Variants in LRCH2 observed in about 807,000 individuals in gnomAD.
The protein encoded by LRCH2 is leucine rich repeats and calponin homology domain containing 2.
A neutral mutation model predicts 68.9 loss-of-function variants in LRCH2; 38 were observed. That is an observed-to-expected ratio of 0.55 (90% confidence interval 0.43 to 0.72). The LOEUF (loss-of-function observed/expected upper bound fraction) is 0.72. Among genes scored for constraint, LRCH2 ranks in the 30% least tolerant of loss-of-function variants. The probability of loss-of-function intolerance (pLI) is 0.00; values close to 1 mark genes in which losing one functional copy is unlikely to be tolerated. For synonymous variants in LRCH2, 191 were observed against 208.1 expected, an observed-to-expected ratio of 0.92 and a Z score of 0.71; for missense variants, 528 against 572.9, an observed-to-expected ratio of 0.92 and a Z score of 0.80.
At chrX:115,139,935 T>C (rs73222999) in intron 14 of LRCH2, among the ~76,000 whole-genome samples, 1,781 of 110,989 alleles carry the variant, frequency 0.016, 13 homozygotes, top group Non-Finnish European at 0.026. Flanking sequence ...GGCACAAGGA[T>C]TGCAATTTCT....
Position 115,126,877 on chromosome X carries a change from G to T in LRCH2, c.1757C>A (p.Ala586Asp), listed in dbSNP as rs369287642. The part of the protein sequence containing the change: ...NENDEQDSDN[A>D]NMSTQSPVSS... ...TACTGGAGATTGTGTTGACATATTAGCATTATCACTGTCTTGCTAAAACAT... is the reference window on the plus strand; with the variant it reads ...TACTGGAGATTGTGTTGACATATTATCATTATCACTGTCTTGCTAAAACAT... Residue 586 changes from alanine to aspartate, a missense_variant, in exon 16 of 21, where the codon GCT (alanine) becomes GAT (aspartate). Physicochemically the swap from Ala to Asp is moderately radical, Grantham distance 126. Coordinates refer to ENST00000317135, the MANE Select transcript of LRCH2 (RefSeq NM_020871.4). 5.8e-5 allele frequency: 62 copies of T among 1,063,757 alleles called. No individual in the cohort carries two copies. Among genetic ancestry groups the T allele is most frequent in the Non-Finnish European group, 7.4e-5 (60 of 810,813 alleles). The allele number at this position is 1,063,757 out of a possible 1,213,427, so 87.7% of individuals were successfully genotyped here.
intron 1 of LRCH2, among the ~76,000 whole-genome samples, chrX:115,206,386 T>C (rs782659365): frequency 2.7e-5 from 3 of 112,267 alleles, no homozygotes; most frequent in South Asian, 3.7e-4. Context: ...TGTGATGGCA[T>C]TGACGCCCAC....
intron 15 of LRCH2, among the ~76,000 whole-genome samples, chrX:115,127,320 GAATTT>G (rs1181422209): frequency 4.5e-5 from 5 of 111,619 alleles, no homozygotes; most frequent in Admixed American, 1.9e-4. Flanking sequence ...TAATTACAAA[GAATTT>G]AATTTAATAA....
chrX:115,211,987 TA>T (rs1253009838), intron 1 of LRCH2, among the ~76,000 whole-genome samples: 3 of 112,222 alleles, frequency 2.7e-5, no homozygotes, highest in African/African-American at 9.7e-5. Context: ...AAACAAGGAT[TA>T]AAGAAAATTA....
At chrX:115,146,437 AAC>A (rs2072383165) in intron 14 of LRCH2, among the ~76,000 whole-genome samples, 1 of 111,086 alleles carries the variant, frequency 9.0e-6, no homozygotes, top group South Asian at 3.8e-4. Flanking sequence ...ATTTGATCAT[AAC>A]ACAAATGATA....
intron 1 of LRCH2, among the ~76,000 whole-genome samples, chrX:115,233,308 G>A (rs1685059597): frequency 8.9e-6 from 1 of 112,081 alleles, no homozygotes; most frequent in African/African-American, 3.2e-5. Flanking sequence ...AATATGTAGA[G>A]ATTATGATTT....
intron 1 of LRCH2, among the ~76,000 whole-genome samples, chrX:115,222,370 C>T (rs1230842800): frequency 3.6e-5 from 4 of 112,100 alleles, no homozygotes; most frequent in African/African-American, 1.3e-4. Context: ...ACTTTCACAG[C>T]ATCTGCTTAA....
Position 115,165,405 on chromosome X carries a change from CT to C in LRCH2, c.1354del (p.Arg452AspfsTer16). ...ACATTTCATTTTCATATGTGCTTAC[CT>C]TTTTTCATCTCCTAATTCTTCATTT... is the stretch of plus-strand genomic sequence containing the variant. ...RKNEELGDEKRLEKEQLLAEE... is the reference protein window; with the variant it reads ...RKNEELGDEKXLEKEQLLAEE... On this transcript the variant is annotated frameshift_variant and splice_region_variant, in exon 10 of 21. Transcript: ENST00000317135. LOFTEE classifies it high-confidence loss of function. 1.8e-6 allele frequency: 2 copies of C among 1,115,213 alleles called. No individual in the cohort carries two copies. Among genetic ancestry groups the C allele is most frequent in the Admixed American group, 2.7e-5 (1 of 36,697 alleles). The allele number at this position is 1,115,213 out of a possible 1,213,427, so 91.9% of individuals were successfully genotyped here.
intron 1 of LRCH2, among the ~76,000 whole-genome samples, chrX:115,211,906 G>A (rs910748092): frequency 8.9e-6 from 1 of 112,157 alleles, no homozygotes; most frequent in East Asian, 2.8e-4. Context: ...CATCTGAGAT[G>A]ACACACAGCT....
rs782275485 is a variant in LRCH2, at chrX:115,180,294, T to A, written c.622-543A>T. Among the ~76,000 whole-genome samples, 5 of 111,195 alleles carry A rather than the reference T, an allele frequency of 4.5e-5. No homozygotes were observed. In the South Asian group the frequency reaches 1.9e-3, roughly 42 times the overall value. ...GCCCCAACACTTGTGACTCATCTCA[T>A]AGCTCAAAGACATTCTAAGAGATCT... is the stretch of plus-strand genomic sequence containing the variant. On this transcript the variant is annotated intron_variant, in intron 3 of 20. Coordinates refer to ENST00000317135, the MANE Select transcript of LRCH2 (RefSeq NM_020871.4).
At chrX:115,147,482 T>G (rs1459885398) in intron 14 of LRCH2, among the ~76,000 whole-genome samples, 1 of 111,528 alleles carries the variant, frequency 9.0e-6, no homozygotes, top group Non-Finnish European at 1.9e-5. Flanking sequence ...AAGCTTATCT[T>G]TGCACCTAAT....
chrX:115,192,480 G>A (rs1377295471), intron 1 of LRCH2: 1 of 1,171,005 alleles, frequency 8.5e-7, no homozygotes, highest in East Asian at 3.2e-5. Flanking sequence ...GCTACTCGAG[G>A]GGTCGAGACC....
intron 1 of LRCH2, among the ~76,000 whole-genome samples, chrX:115,219,052 A>T (rs781903683): frequency 2.7e-5 from 3 of 111,959 alleles, no homozygotes; most frequent in Admixed American, 9.5e-5. Flanking sequence ...GTACCTTTCT[A>T]CTGCATGAGA....
At chrX:115,124,420 T>C (rs1367630921) in intron 16 of LRCH2, among the ~76,000 whole-genome samples, 1 of 112,247 alleles carries the variant, frequency 8.9e-6, no homozygotes, top group African/African-American at 3.2e-5. Context: ...AACATATTTG[T>C]ATAGGGACTG....
chrX:115,190,941 G>A (rs1556558395), intron 1 of LRCH2: 6 of 1,162,987 alleles, frequency 5.2e-6, no homozygotes, highest in Non-Finnish European at 6.9e-6. Flanking sequence ...ATTCCAGCTG[G>A]AGCGACCGCT....
intron 14 of LRCH2, among the ~76,000 whole-genome samples, chrX:115,141,087 AATT>A (rs1377339960): frequency 9.2e-6 from 1 of 108,809 alleles, no homozygotes; most frequent in East Asian, 2.9e-4. Context: ...AAAAAAAAAA[AATT>A]AGCCAGGCAT....
Position 115,197,847 on chromosome X carries a change from TCA to T in LRCH2, c.350-9479_350-9478del, listed in dbSNP as rs1556564243. Among the ~76,000 whole-genome samples the T allele has an allele frequency of 5.5e-3, 113 of 20,550 alleles. 1 individual carries two copies. The highest frequency in any genetic ancestry group is 0.034 in the Middle Eastern group (1 of 29). The allele number at this position is 20,550 out of a possible 115,157, so 17.8% of individuals were successfully genotyped here. On this transcript the variant is annotated intron_variant, in intron 1 of 20. Transcript: ENST00000317135. ...CTCTCTCTCTCTCTCTCTCTCTCTC[TCA>T]CACACACACACACACACACACACAC...
intron 1 of LRCH2, chrX:115,191,152 G>A (rs1233165705): frequency 5.1e-6 from 6 of 1,165,281 alleles, no homozygotes; most frequent in Admixed American, 2.6e-5. Flanking sequence ...CTCTGCCGAC[G>A]CCTACAGTGG....
At chrX:115,193,239 T>C in intron 1 of LRCH2, among the ~76,000 whole-genome samples, 1 of 112,237 alleles carries the variant, frequency 8.9e-6, no homozygotes, top group South Asian at 3.7e-4. Context: ...GATACTCTAC[T>C]GGGTGATTTC....
Sources: allele counts gnomAD v4.1 joint callset (sites outside exome capture counted in the v4.1 genomes callset), GRCh38; gene constraint gnomAD v4.1.1; transcripts MANE v1.5; gene names NCBI Gene and HGNC (gene_info 2026-07-23, HGNC 2026-07-21).